The following ST3GAL1 variants were observed in gnomAD, a reference collection of about 807,000 sequenced individuals.
ST3GAL1 encodes ST3 beta-galactoside alpha-2,3-sialyltransferase 1.
Under a neutral mutation model 34.1 loss-of-function variants are expected in ST3GAL1, and 16 were observed. The observed-to-expected ratio is 0.47, with a 90% CI of 0.32 to 0.71. The LOEUF is 0.71. ST3GAL1 is among the 30% of genes least tolerant of loss of function. ST3GAL1 has a pLI of 0.04. For missense variants in ST3GAL1, 353 were observed against 447.4 expected, an observed-to-expected ratio of 0.79 and a Z score of 1.90; for synonymous variants, 191 against 184.7, an observed-to-expected ratio of 1.03 and a Z score of -0.28.
intron 2 of ST3GAL1, among the ~76,000 whole-genome samples, chr8:133,545,076 C>T (rs1219054546): frequency 6.6e-6 from 1 of 152,224 alleles, no homozygotes; most frequent in Admixed American, 6.6e-5. Flanking sequence ...GGCTACTAAG[C>T]ACATGAACTG....
chr8:133,467,100 A>G lies in ST3GAL1; in HGVS notation c.307-1010T>C, dbSNP rs951655599. On this transcript the variant is annotated intron_variant, in intron 5 of 9. Transcript: ENST00000522652. The surrounding 1 kb of genome is among the most constrained non-coding windows in gnomAD (Gnocchi z 4.2). Reference sequence around the variant, plus strand: ...ACAGAGCGAGACTCCAACTCGAAAAAAAAAAAAAAAAGACCTAGCTCGAGG... The same window carrying G: ...ACAGAGCGAGACTCCAACTCGAAAAGAAAAAAAAAAAGACCTAGCTCGAGG... Among the ~76,000 whole-genome samples the G allele has an allele frequency of 3.3e-5, 5 of 151,988 alleles. No homozygotes were observed. Among genetic ancestry groups the G allele is most frequent in the Admixed American group, 1.3e-4 (2 of 15,246 alleles).
chr8:133,568,348 C>T (rs1586677028), intron 1 of ST3GAL1, among the ~76,000 whole-genome samples: 1 of 152,184 alleles, frequency 6.6e-6, no homozygotes, highest in South Asian at 2.1e-4. Context: ...GGTCTGGGCT[C>T]CTGTGACCAA....
intron 2 of ST3GAL1, among the ~76,000 whole-genome samples, chr8:133,532,447 G>T (rs954197427): frequency 6.6e-6 from 1 of 151,916 alleles, no homozygotes; most frequent in African/African-American, 2.4e-5. Flanking sequence ...GTAACAGAGC[G>T]AGACTCTGTC....
intron 3 of ST3GAL1, among the ~76,000 whole-genome samples, chr8:133,479,584 C>T (rs781434892): frequency 2.0e-5 from 3 of 152,178 alleles, no homozygotes; most frequent in Non-Finnish European, 1.5e-5. Flanking sequence ...ACTGTTGATC[C>T]GTGTTGATCA....
Position 133,459,934 on chromosome 8 carries a change from C to A in ST3GAL1, c.853G>T (p.Asp285Tyr), listed in dbSNP as rs956319119. Residue 285 changes from aspartate (D) to tyrosine (Y), a missense_variant, in exon 10 of 10, where the codon GAC (aspartate) becomes TAC (tyrosine). Coordinates refer to ENST00000522652, the MANE Select transcript of ST3GAL1 (RefSeq NM_173344.3). This position sits in a 1 kb window ranked among gnomAD's most constrained non-coding sequence, Gnocchi z 4.7. ...CTGTCTGCCCCGAAGCCGTACAAGT[C>A]CACCTGTGGGAGCAAAGCAAAGATG... ...IFSMHVCDEV[D>Y]LYGFGADSKG... The A allele has an allele frequency of 2.5e-6, 4 of 1,610,826 alleles. No individual in the cohort carries two copies. The highest frequency in any genetic ancestry group is 1.7e-4 in the Middle Eastern group (1 of 6,044).
rs60990775 is a variant in ST3GAL1, at chr8:133,565,151, CTGTG to C, written c.-582+6538_-582+6541del. ...CAAATGAGATAACAGCTCTGTGTGC[CTGTG>C]TGTGTGTGTGTGTGTGTGTGTGTGT... On this transcript the variant is annotated intron_variant, in intron 1 of 9. Coordinates refer to ENST00000522652, the MANE Select transcript of ST3GAL1 (RefSeq NM_173344.3). Among the ~76,000 whole-genome samples, 1,205 of 139,382 alleles carry C rather than the reference CTGTG, an allele frequency of 8.6e-3. 9 individuals carry two copies. Among genetic ancestry groups the C allele is most frequent in the Admixed American group, 0.012 (165 of 14,092 alleles). 91.4% of individuals were successfully genotyped at this position (139,382 alleles called of 152,430 possible). A position where few individuals can be genotyped will look rare whatever the true frequency, so the allele number is the denominator to read the frequency against.
rs901562646 is a variant in ST3GAL1, at chr8:133,467,121, C to T, written c.307-1031G>A. On this transcript the variant is annotated intron_variant, in intron 5 of 9. Coordinates refer to ENST00000522652, the MANE Select transcript of ST3GAL1 (RefSeq NM_173344.3). The surrounding 1 kb of genome is among the most constrained non-coding windows in gnomAD (Gnocchi z 4.2). ...AAAAAAAAAAAAAAAAGACCTAGCT[C>T]GAGGGTCAGCTGCTCGCAGATTGAA... Among the ~76,000 whole-genome samples the T allele has an allele frequency of 1.3e-4, 19 of 151,536 alleles. No homozygotes were observed. The highest frequency in any genetic ancestry group is 6.6e-5 in the Admixed American group (1 of 15,196).
chr8:133,512,782 G>T (rs532104096), intron 2 of ST3GAL1, among the ~76,000 whole-genome samples: 1 of 152,076 alleles, frequency 6.6e-6, no homozygotes, highest in Non-Finnish European at 1.5e-5. Context: ...AAAACCAGCT[G>T]GGTTTTTTAG....
intron 1 of ST3GAL1, among the ~76,000 whole-genome samples, chr8:133,569,564 A>AT (rs1819504979): frequency 6.6e-6 from 1 of 152,170 alleles, no homozygotes; most frequent in Non-Finnish European, 1.5e-5. Context: ...GGAGACTAGA[A>AT]GAGGCCCCAC....
At chr8:133,504,842 T>A (rs1053272049) in intron 2 of ST3GAL1, among the ~76,000 whole-genome samples, 5 of 152,030 alleles carry the variant, frequency 3.3e-5, no homozygotes, top group African/African-American at 1.2e-4. Context: ...GAGGGTAAAG[T>A]TTTGAAAAGG....
intron 3 of ST3GAL1, among the ~76,000 whole-genome samples, chr8:133,477,796 A>G (rs1018104847): frequency 6.6e-6 from 1 of 152,038 alleles, no homozygotes; most frequent in African/African-American, 2.4e-5. Flanking sequence ...ATGCTGAAGA[A>G]TGGAAGAAAT....
chr8:133,561,760 A>G (rs1019122773), intron 1 of ST3GAL1, among the ~76,000 whole-genome samples: 4 of 152,154 alleles, frequency 2.6e-5, no homozygotes, highest in African/African-American at 9.7e-5. Flanking sequence ...CCAGGGCTCA[A>G]GGCCTAGATC....
At chr8:133,500,425 T>C (rs751721404) in intron 2 of ST3GAL1, among the ~76,000 whole-genome samples, 29 of 152,186 alleles carry the variant, frequency 1.9e-4, no homozygotes, top group Non-Finnish European at 3.8e-4. Flanking sequence ...TACAAGTAAG[T>C]ACTTTTCAGA....
intron 2 of ST3GAL1, among the ~76,000 whole-genome samples, chr8:133,521,924 T>C (rs1817822354): frequency 6.6e-6 from 1 of 151,344 alleles, no homozygotes; most frequent in African/African-American, 2.4e-5. Flanking sequence ...TAGGATTTTC[T>C]GTTTCTGTTT....
At chr8:133,476,858 T>C (rs988230391) in intron 3 of ST3GAL1, among the ~76,000 whole-genome samples, 4 of 152,240 alleles carry the variant, frequency 2.6e-5, no homozygotes, top group Admixed American at 6.5e-5. Context: ...ACCTAGCACA[T>C]TGACACACTC....
At chr8:133,523,127 C>CA (rs149044270) in intron 2 of ST3GAL1, among the ~76,000 whole-genome samples, 4,769 of 152,274 alleles carry the variant, frequency 0.031, 141 homozygotes, top group East Asian at 0.12. Context: ...TGGCGAGCAG[C>CA]AAGGGGCCTC....
intron 1 of ST3GAL1, among the ~76,000 whole-genome samples, chr8:133,555,132 G>A (rs898185765): frequency 3.3e-5 from 5 of 152,154 alleles, no homozygotes; most frequent in East Asian, 1.9e-4. Flanking sequence ...GGCCACCCCC[G>A]CGGGGGACTG....
At chr8:133,534,654 GTTC>G (rs1252307466) in intron 2 of ST3GAL1, among the ~76,000 whole-genome samples, 3 of 152,350 alleles carry the variant, frequency 2.0e-5, no homozygotes, top group African/African-American at 7.2e-5. Flanking sequence ...CCCATTTCCA[GTTC>G]TCCAAAGGCT....
chr8:133,558,358 T>C (rs1236151049), intron 1 of ST3GAL1, among the ~76,000 whole-genome samples: 1 of 152,192 alleles, frequency 6.6e-6, no homozygotes, highest in Non-Finnish European at 1.5e-5. Flanking sequence ...ATCCAGATTT[T>C]ATGGATGAGG....
Sources: allele counts gnomAD v4.1 joint callset (sites outside exome capture counted in the v4.1 genomes callset), GRCh38; gene constraint gnomAD v4.1.1; non-coding constraint Gnocchi (gnomAD v3.1); transcripts MANE v1.5; gene names NCBI Gene and HGNC (gene_info 2026-07-23, HGNC 2026-07-21).